The following PDZD2 variants were observed in gnomAD, a reference collection of about 807,000 sequenced individuals.
PDZD2 encodes PDZ domain containing 2, also known as PDZ domain-containing protein 2.
A neutral mutation model predicts 220.7 loss-of-function variants in PDZD2; 90 were observed. The observed-to-expected ratio is 0.41, with a 90% CI of 0.34 to 0.49. PDZD2 has a LOEUF of 0.49. PDZD2 is among the 20% of genes least tolerant of loss of function. PDZD2 has a pLI of 0.28. For synonymous variants in PDZD2, 1,375 were observed against 1,450.5 expected, an observed-to-expected ratio of 0.95 and a Z score of 1.18; for missense variants, 3,174 against 3,608.5, an observed-to-expected ratio of 0.88 and a Z score of 3.08.
chr5:31,794,699 G>T (rs115119934), intron 1 of PDZD2, among the ~76,000 whole-genome samples: 3 of 151,920 alleles, frequency 2.0e-5, no homozygotes, highest in Non-Finnish European at 4.4e-5. Flanking sequence ...GAACCACTAC[G>T]CCCAGCCCAT....
intron 6 of PDZD2, among the ~76,000 whole-genome samples, chr5:32,015,218 A>G (rs917470285): frequency 6.6e-6 from 1 of 152,032 alleles, no homozygotes; most frequent in African/African-American, 2.4e-5. Flanking sequence ...CTGGGATTAC[A>G]GTCGGTAGCC....
intron 7 of PDZD2, among the ~76,000 whole-genome samples, chr5:32,040,669 C>T (rs1055370040): frequency 6.7e-5 from 10 of 149,960 alleles, no homozygotes; most frequent in Non-Finnish European, 1.3e-4. Flanking sequence ...CTGGCTGCCA[C>T]CCCATCTGGG....
chr5:31,752,585 T>A (rs868265738), intron 1 of PDZD2, among the ~76,000 whole-genome samples: 2 of 151,836 alleles, frequency 1.3e-5, no homozygotes, highest in African/African-American at 2.4e-5. Context: ...ATAGGCGTTT[T>A]TTTTTCCCCC....
chr5:31,750,168 G>A (rs537781793), intron 1 of PDZD2, among the ~76,000 whole-genome samples: 1 of 152,264 alleles, frequency 6.6e-6, no homozygotes, highest in East Asian at 1.9e-4. Flanking sequence ...GCCATCTCTA[G>A]CGCCTGCCAT....
intron 2 of PDZD2, among the ~76,000 whole-genome samples, chr5:31,900,529 G>A (rs553899250): frequency 2.0e-5 from 3 of 152,268 alleles, no homozygotes; most frequent in African/African-American, 7.2e-5. Context: ...TCATGTCAAA[G>A]GCTCCTGCAG....
chr5:31,770,527 T>C (rs1026418303), intron 1 of PDZD2, among the ~76,000 whole-genome samples: 2 of 152,180 alleles, frequency 1.3e-5, no homozygotes, highest in Non-Finnish European at 1.5e-5. Context: ...TTGGCTGCCA[T>C]TGGCTGTCAG....
chr5:31,973,449 C>T (rs186390342), intron 2 of PDZD2, among the ~76,000 whole-genome samples: 2 of 152,158 alleles, frequency 1.3e-5, no homozygotes, highest in African/African-American at 4.8e-5. Flanking sequence ...TCTTCGTACT[C>T]CTTAAATCTA....
chr5:31,677,825 T>C (rs574327060), intron 1 of PDZD2, among the ~76,000 whole-genome samples: 2 of 151,958 alleles, frequency 1.3e-5, no homozygotes, highest in South Asian at 2.1e-4. Context: ...CACGCTGATC[T>C]TTAGGGGTAG....
chr5:31,701,162 G>A (rs1255461476), intron 1 of PDZD2, among the ~76,000 whole-genome samples: 1 of 151,908 alleles, frequency 6.6e-6, no homozygotes, highest in Non-Finnish European at 1.5e-5. Flanking sequence ...GCTAAAATCT[G>A]AATTTTATAT....
chr5:32,096,104 A>C (rs1351072566), intron 21 of PDZD2, among the ~76,000 whole-genome samples: 1 of 152,040 alleles, frequency 6.6e-6, no homozygotes, highest in African/African-American at 2.4e-5. Context: ...ATATCTGAGA[A>C]GTGTTCCTAT....
At chr5:31,851,920 G>C (rs1758077664) in intron 2 of PDZD2, among the ~76,000 whole-genome samples, 1 of 151,308 alleles carries the variant, frequency 6.6e-6, no homozygotes. Flanking sequence ...GCAGTGGTGG[G>C]ATCTCGGCTC....
intron 2 of PDZD2, among the ~76,000 whole-genome samples, chr5:31,865,094 G>A (rs992528186): frequency 1.3e-4 from 19 of 151,428 alleles, no homozygotes; most frequent in African/African-American, 3.9e-4. Context: ...TGATCCGCCC[G>A]CCTCAGCCTC....
At chr5:32,074,731 T>A in intron 18 of PDZD2, 88 bp downstream of exon 18, 1 of 813,722 alleles carries the variant, frequency 1.2e-6, no homozygotes, top group Non-Finnish European at 1.9e-6. Context: ...ATGGGTAAGC[T>A]GCCAGTGGGA....
intron 6 of PDZD2, among the ~76,000 whole-genome samples, chr5:32,033,420 A>G (rs10940994): frequency 0.47 from 70,740 of 152,120 alleles, 19,864 homozygotes; most frequent in South Asian, 0.62. Context: ...ACTCAACGAA[A>G]AAACAGTTTT....
At chr5:32,085,311 C>T (rs556821454) in intron 19 of PDZD2, among the ~76,000 whole-genome samples, 1 of 148,210 alleles carries the variant, frequency 6.7e-6, no homozygotes, top group Non-Finnish European at 1.5e-5. Flanking sequence ...CAAAGTGGTA[C>T]TTCAGTACAT....
chr5:31,916,880 T>C (rs1008033268), intron 2 of PDZD2, among the ~76,000 whole-genome samples: 1 of 151,604 alleles, frequency 6.6e-6, no homozygotes, highest in African/African-American at 2.4e-5. Context: ...ATCCTTCTGG[T>C]TTTAGTGAGA....
chr5:32,081,125 C>T (rs1369382793), intron 19 of PDZD2, among the ~76,000 whole-genome samples: 1 of 151,770 alleles, frequency 6.6e-6, no homozygotes, highest in African/African-American at 2.4e-5. Flanking sequence ...AAGTGGGTTG[C>T]TGCATGTCAA....
intron 1 of PDZD2, among the ~76,000 whole-genome samples, chr5:31,650,836 C>T (rs1745322705): frequency 1.3e-5 from 2 of 152,178 alleles, no homozygotes; most frequent in Non-Finnish European, 2.9e-5. Flanking sequence ...TCTTTTCGGC[C>T]TCCGCGTTTC....
chr5:31,839,377 G>T (rs564348236), intron 2 of PDZD2, among the ~76,000 whole-genome samples: 2 of 152,148 alleles, frequency 1.3e-5, no homozygotes, highest in East Asian at 3.9e-4. Context: ...TCATGTCAAG[G>T]GAAAATGTGG....
Sources: gnomAD v4.1 joint callset for allele counts (sites outside exome capture counted in the v4.1 genomes callset) on GRCh38, gnomAD v4.1.1 for gene constraint, MANE v1.5 for transcripts, NCBI Gene and HGNC (gene_info 2026-07-23, HGNC 2026-07-21) for gene names.